The following CHD9 variants were observed in gnomAD, a reference collection of about 807,000 sequenced individuals.
CHD9 encodes chromodomain helicase DNA binding protein 9, also known as ATP-dependent chromatin remodeler CHD9.
CHD9 carries 77 observed loss-of-function variants against 316.1 expected under a neutral mutation model. The ratio of observed to expected loss-of-function variants is 0.24; its 90% CI spans 0.20 to 0.29. CHD9 has a LOEUF of 0.29. CHD9 is among the 10% of genes least tolerant of loss of function. The pLI is 1.00. For missense variants in CHD9, 2,763 were observed against 3,438.1 expected (o/e 0.80, Z 4.91); for synonymous variants, 1,129 against 1,158.3 (o/e 0.97, Z 0.51).
intron 1 of CHD9, among the ~76,000 whole-genome samples, chr16:53,134,447 C>A (rs2039569315): frequency 6.6e-6 from 1 of 151,726 alleles, no homozygotes; most frequent in Non-Finnish European, 1.5e-5. Context: ...CCTCTGTTTA[C>A]TTCCTTATTT....
Position 53,156,190 on chromosome 16 carries a change from C to T in CHD9, c.101C>T (p.Ser34Leu). ...DDAFVQPGPV[S>L]LVDELNLGAE... Reference sequence around the variant, plus strand: ...GCATTTGTACAACCAGGACCTGTTTCACTAGTTGATGAATTGAATTTGGGT... The same window carrying T: ...GCATTTGTACAACCAGGACCTGTTTTACTAGTTGATGAATTGAATTTGGGT... Residue 34 changes from serine to leucine, a missense_variant, in exon 2 of 39, where the codon TCA becomes TTA. Ser to Leu is a moderately radical substitution (Grantham distance 145, BLOSUM62 -2). This residue lies in a region of CHD9 where 859 missense variants were observed against 890.4 expected (regional missense o/e 0.96). Transcript: ENST00000447540. 1 of 1,613,940 alleles carries T rather than the reference C, an allele frequency of 6.2e-7. No individual in the cohort carries two copies.
chr16:53,264,471 G>A (rs62049782), intron 20 of CHD9, among the ~76,000 whole-genome samples: 1 of 151,888 alleles, frequency 6.6e-6, no homozygotes, highest in Admixed American at 6.6e-5. Flanking sequence ...TATGTACCAT[G>A]TACTGTGGAC....
chr16:53,161,977 C>T (rs1299328965), intron 2 of CHD9, among the ~76,000 whole-genome samples: 2 of 152,180 alleles, frequency 1.3e-5, no homozygotes, highest in Non-Finnish European at 2.9e-5. Flanking sequence ...TGGTCTCGAA[C>T]TCCTGAGCTC....
At chr16:53,275,834 A>G (rs766714233) in intron 24 of CHD9, among the ~76,000 whole-genome samples, 5 of 152,122 alleles carry the variant, frequency 3.3e-5, no homozygotes, top group Admixed American at 1.3e-4. Context: ...ACTGACTTCT[A>G]TATCCACCTA....
intron 2 of CHD9, among the ~76,000 whole-genome samples, chr16:53,191,932 C>T (rs889823136): frequency 6.6e-6 from 1 of 151,958 alleles, no homozygotes; most frequent in Non-Finnish European, 1.5e-5. Flanking sequence ...TTGGTATTGT[C>T]AGTCTTTTTA....
chr16:53,178,385 A>G (rs531168414), intron 2 of CHD9, among the ~76,000 whole-genome samples: 75 of 150,780 alleles, frequency 5.0e-4, no homozygotes, highest in Middle Eastern at 3.5e-3. Flanking sequence ...TGTCAATTCA[A>G]GTAATTTTGG....
At position 53,273,699 on chromosome 16, in the gene CHD9, A is replaced by G. The variant is rs1197483727; in HGVS notation, c.4791A>G (p.Gln1597=). The part of the protein sequence containing the change: ...VKTQTSSFDI[Q]KAEWLRKYNP... ...CTCAAACAAGCTCATTTGATATACA[A>G]AAAGCAGAATGGCTTCGAAAATATA... is the stretch of plus-strand genomic sequence containing the variant. The change falls in exon 23 of 39, where the codon CAA becomes CAG. Residue 1597 remains glutamine (Q), a synonymous_variant. Coordinates refer to ENST00000447540, the MANE Select transcript of CHD9 (RefSeq NM_001308319.2). 3.1e-6 allele frequency: 5 copies of G among 1,613,638 alleles called. No homozygotes were observed. The South Asian group carries it at 4.4e-5, about 14-fold the overall frequency.
At chr16:53,139,536 A>G (rs1237591234) in intron 1 of CHD9, among the ~76,000 whole-genome samples, 1 of 152,186 alleles carries the variant, frequency 6.6e-6, no homozygotes, top group Non-Finnish European at 1.5e-5. Flanking sequence ...ATTAGAGAAC[A>G]GTATTGGAGA....
rs539599641 is a variant in CHD9, at chr16:53,107,076, T to G, written c.-164-48850T>G. 7.9e-5 allele frequency among the ~76,000 whole-genome samples: 12 copies of G among 152,284 alleles called. No individual in the cohort carries two copies. The South Asian group carries it at 2.3e-3, about 29-fold the overall frequency. On this transcript the variant is annotated intron_variant, in intron 1 of 38. Coordinates refer to ENST00000447540, the MANE Select transcript of CHD9 (RefSeq NM_001308319.2). ...CACCCTCACCATCTAGAAATTCTAT[T>G]TTGCATCTGTTTATTGATAAAATTT...
At chr16:53,157,579 G>C (rs769883375) in intron 2 of CHD9, 38 bp downstream of exon 2, 1 of 1,563,040 alleles carries the variant, frequency 6.4e-7, no homozygotes, top group African/African-American at 1.4e-5. Flanking sequence ...AGATTTGGGG[G>C]TAGGGCGGAC....
At chr16:53,185,555 G>A (rs2043919070) in intron 2 of CHD9, among the ~76,000 whole-genome samples, 1 of 152,210 alleles carries the variant, frequency 6.6e-6, no homozygotes, top group South Asian at 2.1e-4. Flanking sequence ...TGAGCCTGCT[G>A]CAGACATTTG....
chr16:53,175,536 A>T (rs2043043231), intron 2 of CHD9, among the ~76,000 whole-genome samples: 1 of 152,224 alleles, frequency 6.6e-6, no homozygotes, highest in African/African-American at 2.4e-5. Context: ...TCTTGGCCCT[A>T]ATCGGAAGAC....
chr16:53,223,004 T>C (rs1238963831), intron 4 of CHD9, among the ~76,000 whole-genome samples: 1 of 152,058 alleles, frequency 6.6e-6, no homozygotes, highest in Non-Finnish European at 1.5e-5. Flanking sequence ...CCCAGAGAGG[T>C]TAACAATACA....
rs548347554 is a variant in CHD9 at position 53,201,857 on chromosome 16, G to T, written c.1453-7625G>T. ...GGATCAGTTTGAGGTTTTTTTTTTT[G>T]TTGTTGTTGTTGTTTTGAGACAGGG... On this transcript the variant is annotated intron_variant, in intron 2 of 38. Coordinates refer to ENST00000447540, the MANE Select transcript of CHD9 (RefSeq NM_001308319.2). 1.2e-3 allele frequency among the ~76,000 whole-genome samples: 181 copies of T among 146,106 alleles called. 1 individual carries two copies. The highest frequency in any genetic ancestry group is 1.8e-3 in the Non-Finnish European group (122 of 66,294).
At chr16:53,065,648 A>AAAAAG in intron 1 of CHD9, among the ~76,000 whole-genome samples, 1 of 150,890 alleles carries the variant, frequency 6.6e-6, no homozygotes, top group Middle Eastern at 3.4e-3. Context: ...TAAAAAAAAA[A>AAAAAG]AAAAAAAAAA....
At chr16:53,279,800 A>G (rs1292142281) in intron 24 of CHD9, among the ~76,000 whole-genome samples, 2 of 152,078 alleles carry the variant, frequency 1.3e-5, no homozygotes, top group East Asian at 1.9e-4. Context: ...ACTAATATCC[A>G]GAATCTACAC....
At chr16:53,182,369 A>T (rs892068126) in intron 2 of CHD9, among the ~76,000 whole-genome samples, 9 of 152,024 alleles carry the variant, frequency 5.9e-5, no homozygotes, top group African/African-American at 9.7e-5. Context: ...TGATTTTTTT[A>T]AAAAATTTGT....
intron 3 of CHD9, among the ~76,000 whole-genome samples, chr16:53,210,627 A>G (rs1197524458): frequency 6.6e-6 from 1 of 152,096 alleles, no homozygotes; most frequent in African/African-American, 2.4e-5. Context: ...TGAGGACTTC[A>G]TGTGGAAATT....
rs187448131 is a variant in CHD9 at position 53,218,491 on chromosome 16, A to C, written c.1785-4153A>C. ...CTAGAGATTTAGGTAATATTTATCT[A>C]TAAAAATGTTTAAGCAGCTTAGTCC... On this transcript the variant is annotated intron_variant, in intron 3 of 38. Coordinates refer to ENST00000447540, the MANE Select transcript of CHD9 (RefSeq NM_001308319.2). 2.5e-4 allele frequency among the ~76,000 whole-genome samples: 38 copies of C among 152,322 alleles called. 2 individuals carry two copies. Among genetic ancestry groups the C allele is most frequent in the African/African-American group, 9.1e-4 (38 of 41,572 alleles).
Sources: gnomAD v4.1 joint callset for allele counts (sites outside exome capture counted in the v4.1 genomes callset) on GRCh38, gnomAD v4.1.1 for gene constraint, gnomAD v4.1.1 regional missense constraint, MANE v1.5 for transcripts, NCBI Gene and HGNC (gene_info 2026-07-23, HGNC 2026-07-21) for gene names.